The following MOCS1 variants were observed in gnomAD, a reference collection of about 807,000 sequenced individuals.
MOCS1 encodes the protein molybdenum cofactor synthesis 1.
Under a neutral mutation model 57.6 loss-of-function variants are expected in MOCS1, and 39 were observed. The ratio of observed to expected loss-of-function variants is 0.68; its 90% CI spans 0.52 to 0.88. The LOEUF (loss-of-function observed/expected upper bound fraction) is 0.88. Ranked by LOEUF, MOCS1 falls within the 40% of genes least tolerant of loss-of-function variation. MOCS1 has a pLI of 0.00. For synonymous variants in MOCS1, 334 were observed against 335.7 expected, an observed-to-expected ratio of 1.00 and a Z score of 0.05; for missense variants, 795 against 831.1, an observed-to-expected ratio of 0.96 and a Z score of 0.53.
At position 39,925,679 on chromosome 6, in the gene MOCS1, C is replaced by G. The variant is rs1158543739; in HGVS notation, c.417G>C (p.Val139=). 1 of 1,612,806 alleles carries G rather than the reference C, an allele frequency of 6.2e-7. No individual in the cohort carries two copies. The highest frequency in any genetic ancestry group is 8.5e-7 in the Non-Finnish European group (1 of 1,179,996). ...PLIRPDVVDI[V]AQLQRLEGLR... ...GGCGATGACTTTCGTCCAACTCACC[C>G]ACAATGTCCACCACGTCCGGCCGGA... Residue 139 remains valine, a splice_region_variant and synonymous_variant, in exon 3 of 11, where the codon GTG becomes GTC. Coordinates refer to ENST00000340692, the MANE Select transcript of MOCS1 (RefSeq NM_001358530.2).
At position 39,906,569 on chromosome 6, in the gene MOCS1, C is replaced by G. The variant is rs1348987348; in HGVS notation, c.1699G>C (p.Glu567Gln). Residue 567 changes from glutamate (E) to glutamine (Q), a missense_variant, in exon 11 of 11, where the codon GAG becomes CAG. This residue lies in a region of MOCS1 where 374 missense variants were observed against 422.6 expected (regional missense o/e 0.89). Transcript: ENST00000340692. ...VALSHIQVQL[E>Q]LDSTRHAVKI... ...ACGGCATGGCGTGTGCTGTCCAGCTCCAGCTGCACCTGGATGTGGCTCAGG... is the reference window on the plus strand; with the variant it reads ...ACGGCATGGCGTGTGCTGTCCAGCTGCAGCTGCACCTGGATGTGGCTCAGG... 2.5e-6 allele frequency: 4 copies of G among 1,613,662 alleles called. No homozygotes were observed. The highest frequency in any genetic ancestry group is 1.6e-4 in the Middle Eastern group (1 of 6,078).
intron 7 of MOCS1, 75 bp from the exon 8 acceptor site, chr6:39,912,449 A>G (rs1253392843): frequency 9.5e-7 from 1 of 1,050,846 alleles, no homozygotes; most frequent in South Asian, 1.3e-5. Flanking sequence ...ACTCCATGAC[A>G]TCAGAACCTC....
chr6:39,905,633 C>A lies in MOCS1; in HGVS notation c.*724G>T, dbSNP rs755812140. 14 of 471,048 alleles carry A rather than the reference C, an allele frequency of 3.0e-5. No individual in the cohort carries two copies. In the East Asian group the frequency reaches 8.3e-4, roughly 28 times the overall value. 29.2% of individuals were successfully genotyped at this position (471,048 alleles called of 1,614,324 possible). ...GAATAAAGAGGGGTGGGTGGAACAG[C>A]CGTGAACAGGGCCAGGTGTGGGCTG... On this transcript the variant is annotated 3_prime_UTR_variant, in exon 11 of 11. Coordinates refer to ENST00000340692, the MANE Select transcript of MOCS1 (RefSeq NM_001358530.2).
chr6:39,923,192 C>T (rs945054549), intron 3 of MOCS1, among the ~76,000 whole-genome samples: 3 of 152,228 alleles, frequency 2.0e-5, no homozygotes, highest in African/African-American at 7.2e-5. Context: ...TCCTAACTAG[C>T]ATCCATGTGG....
Position 39,907,062 on chromosome 6 carries a change from C to T in MOCS1, c.1206G>A (p.Trp402Ter). 6.2e-7 allele frequency: 1 copy of T among 1,613,422 alleles called. No homozygotes were observed. Among genetic ancestry groups the T allele is most frequent in the Non-Finnish European group, 8.5e-7 (1 of 1,179,596 alleles). Residue 402 changes from tryptophan to a stop codon, truncating the protein, a stop_gained, in exon 11 of 11, where the codon TGG becomes TGA. Coordinates refer to ENST00000340692, the MANE Select transcript of MOCS1 (RefSeq NM_001358530.2). LOFTEE classifies it high-confidence loss of function. ...TTAGACCCTGAACATGGAGCGGGTC[C>T]CAGGAGAAAATGCTTGGATTGGCTG... ...SPPANPSIFSWDPLHVQGLRP... is the reference protein window; with the variant it reads ...SPPANPSIFS
intron 4 of MOCS1, among the ~76,000 whole-genome samples, chr6:39,915,292 G>A (rs781583259): frequency 3.3e-5 from 5 of 152,142 alleles, no homozygotes; most frequent in East Asian, 1.9e-4. Flanking sequence ...ATCACACCCC[G>A]TTTAAGAAAA....
chr6:39,908,937 A>G (rs1562085123), intron 10 of MOCS1, 118 bp downstream of exon 10: 1 of 885,020 alleles, frequency 1.1e-6, no homozygotes, highest in Non-Finnish European at 1.9e-6. Context: ...ATAGAAGAAA[A>G]ACAAGGATGA....
rs553972916 is a variant in MOCS1 at position 39,934,414 on chromosome 6, C to T, written c.4G>A (p.Ala2Thr). Residue 2 changes from alanine to threonine, a missense_variant, in exon 1 of 11, where the codon GCG becomes ACG. By Grantham distance (58) the Ala-to-Thr change is moderately conservative. Coordinates refer to ENST00000340692, the MANE Select transcript of MOCS1 (RefSeq NM_001358530.2). M[A>T]ARPLSRMLRR... is the part of the protein sequence containing the mutation. ...AGCATCCGGGACAGTGGCCGCGCCG[C>T]CATGAAGCCTGATACGAGCGGAACC... 2.4e-5 allele frequency: 38 copies of T among 1,567,746 alleles called. No individual in the cohort carries two copies. The African/African-American group carries it at 4.4e-4, about 18-fold the overall frequency.
At chr6:39,930,351 C>G (rs901242614) in intron 1 of MOCS1, among the ~76,000 whole-genome samples, 10 of 152,174 alleles carry the variant, frequency 6.6e-5, no homozygotes, top group African/African-American at 2.4e-4. Flanking sequence ...AAGCACTCAA[C>G]GGATCATATT....
rs141982812 is a variant in MOCS1, at chr6:39,925,677, C to T, written c.418+1G>A. Reference sequence around the variant, plus strand: ...GTGGCGATGACTTTCGTCCAACTCACCCACAATGTCCACCACGTCCGGCCG... The same window carrying T: ...GTGGCGATGACTTTCGTCCAACTCATCCACAATGTCCACCACGTCCGGCCG... On this transcript the variant is annotated splice_donor_variant, in intron 3 of 10. Coordinates refer to ENST00000340692, the MANE Select transcript of MOCS1 (RefSeq NM_001358530.2). LOFTEE classifies it high-confidence loss of function. The T allele has an allele frequency of 5.1e-5, 83 of 1,612,686 alleles. No individual in the cohort carries two copies. The highest frequency in any genetic ancestry group is 6.9e-5 in the Non-Finnish European group (81 of 1,179,984).
chr6:39,906,718 A>G lies in MOCS1; in HGVS notation c.1550T>C (p.Val517Ala). The change falls in exon 11 of 11, where the codon GTA (valine) becomes GCA (alanine). Residue 517 changes from valine to alanine, a missense_variant. This residue lies in a region of MOCS1 where 374 missense variants were observed against 422.6 expected (regional missense o/e 0.89). Coordinates refer to ENST00000340692, the MANE Select transcript of MOCS1 (RefSeq NM_001358530.2). ...VASAVVLLGP[V>A]AFKLVQQNQL... ...GTTCTGCTGGACAAGCTTGAAGGCT[A>G]CCGGTCCCAGGAGGACCACGGCTGA... 1 of 1,614,156 alleles carries G rather than the reference A, an allele frequency of 6.2e-7. No individual in the cohort carries two copies. Among genetic ancestry groups the G allele is most frequent in the Non-Finnish European group, 8.5e-7 (1 of 1,180,046 alleles).
intron 1 of MOCS1, chr6:39,932,431 G>A (rs1425938411): frequency 6.6e-6 from 1 of 152,250 alleles, no homozygotes; most frequent in Non-Finnish European, 1.5e-5. Flanking sequence ...GGTGAAATTG[G>A]AGGCGAAACT....
Position 39,906,469 on chromosome 6 carries a change from G to A in MOCS1, c.1799C>T (p.Ala600Val), listed in dbSNP as rs1766947149. Residue 600 changes from alanine to valine, a missense_variant, in exon 11 of 11, where the codon GCC becomes GTC. By Grantham distance (64) the Ala-to-Val change is moderately conservative. Transcript: ENST00000340692. ...EMEALTSAAV[A>V]ALTLYDMCKA... is the part of the protein sequence containing the mutation. ...GCACATGTCATACAGGGTGAGGGCGGCCACTGCAGCAGAGGTCAGGGCCTC... is the reference window on the plus strand; with the variant it reads ...GCACATGTCATACAGGGTGAGGGCGACCACTGCAGCAGAGGTCAGGGCCTC... 6.2e-7 allele frequency: 1 copy of A among 1,613,940 alleles called. No individual in the cohort carries two copies. Among genetic ancestry groups the A allele is most frequent in the Non-Finnish European group, 8.5e-7 (1 of 1,179,846 alleles).
chr6:39,915,860 G>A (rs1278790165), intron 4 of MOCS1, among the ~76,000 whole-genome samples: 1 of 152,150 alleles, frequency 6.6e-6, no homozygotes. Flanking sequence ...TGGTGGGGAG[G>A]TTGGTCACCC....
At chr6:39,908,917 TGAA>T in intron 10 of MOCS1, 135 bp downstream of exon 10, 1 of 769,400 alleles carries the variant, frequency 1.3e-6, no homozygotes, top group Non-Finnish European at 2.3e-6. Flanking sequence ...TAAGAAGAGA[TGAA>T]GGAGGAATAG....
intron 2 of MOCS1, among the ~76,000 whole-genome samples, chr6:39,926,219 A>C (rs988477828): frequency 1.3e-5 from 2 of 152,080 alleles, no homozygotes; most frequent in African/African-American, 4.8e-5. Flanking sequence ...ATCCTCCTGC[A>C]TTTCACTGGC....
In MOCS1 at chr6:39,916,139, C is replaced by T. The variant is rs758898174; in HGVS notation, c.512G>A (p.Gly171Asp). ...CAGGCTGATGTTGATGGCACTGAGA[C>T]CAGCCTTCTGAAGCTGGGGCAGTAG... is the stretch of plus-strand genomic sequence containing the variant. ...ARLLPQLQKA[G>D]LSAINISLDT... The change falls in exon 4 of 11, where the codon GGT (glycine) becomes GAT (aspartate). Residue 171 changes from glycine (G) to aspartate (D), a missense_variant. Coordinates refer to ENST00000340692, the MANE Select transcript of MOCS1 (RefSeq NM_001358530.2). The T allele has an allele frequency of 6.2e-7, 1 of 1,614,032 alleles. No individual in the cohort carries two copies. The highest frequency in any genetic ancestry group is 8.5e-7 in the Non-Finnish European group (1 of 1,180,018).
At chr6:39,909,786 GA>G (rs747896902) in intron 9 of MOCS1, 48 bp downstream of exon 9, 1 of 1,607,274 alleles carries the variant, frequency 6.2e-7, no homozygotes, top group Admixed American at 1.7e-5. Flanking sequence ...CCCTCCCAGG[GA>G]CAAGGCCCAC....
In MOCS1 at chr6:39,904,430, G is replaced by C. The variant is rs913539192; in HGVS notation, c.*1927C>G. On this transcript the variant is annotated 3_prime_UTR_variant, in exon 11 of 11. Coordinates refer to ENST00000340692, the MANE Select transcript of MOCS1 (RefSeq NM_001358530.2). ...GGGTGGCTGAGCTGGTCCTTAATAG[G>C]TTGTTTCTTGGTCTTGCTTTCTTCA... 5 of 454,848 alleles carry C rather than the reference G, an allele frequency of 1.1e-5. No homozygotes were observed. The highest frequency in any genetic ancestry group is 2.2e-5 in the Non-Finnish European group (5 of 226,972). The allele number at this position is 454,848 out of a possible 1,614,324, so 28.2% of individuals were successfully genotyped here. A position where few individuals can be genotyped will look rare whatever the true frequency, so the allele number is the denominator to read the frequency against.
Sources: gnomAD v4.1 joint callset for allele counts (sites outside exome capture counted in the v4.1 genomes callset) on GRCh38, gnomAD v4.1.1 for gene constraint, gnomAD v4.1.1 regional missense constraint, MANE v1.5 for transcripts, NCBI Gene and HGNC (gene_info 2026-07-23, HGNC 2026-07-21) for gene names.